The following CUL3 variants were observed in gnomAD, a reference collection of about 807,000 sequenced individuals.
CUL3 encodes cullin-3.
Under a neutral mutation model 89.1 loss-of-function variants are expected in CUL3, and 19 were observed. The observed-to-expected ratio is 0.21, with a 90% CI of 0.15 to 0.31. The LOEUF (loss-of-function observed/expected upper bound fraction) is 0.31. CUL3 is among the 10% of genes least tolerant of loss of function. The pLI is 1.00. For missense variants in CUL3, 469 were observed against 942.3 expected (o/e 0.50, Z 6.58); for synonymous variants, 351 against 308.4 (o/e 1.14, Z -1.45).
At chr2:224,487,965 A>T (rs1210033064) in intron 13 of CUL3, among the ~76,000 whole-genome samples, 1 of 152,212 alleles carries the variant, frequency 6.6e-6, no homozygotes, top group Non-Finnish European at 1.5e-5. Context: ...GTACAACTAC[A>T]TGGAAACTGA....
At chr2:224,547,203 C>T (rs1694336546) in intron 2 of CUL3, among the ~76,000 whole-genome samples, 1 of 152,078 alleles carries the variant, frequency 6.6e-6, no homozygotes, top group African/African-American at 2.4e-5. Context: ...CAATGGCTCC[C>T]ACCACCAACA....
At chr2:224,550,271 T>A (rs1333482268) in intron 2 of CUL3, among the ~76,000 whole-genome samples, 1 of 152,208 alleles carries the variant, frequency 6.6e-6, no homozygotes, top group South Asian at 2.1e-4. Flanking sequence ...CTTATACACA[T>A]AGCCTGAGGG....
At chr2:224,537,100 T>TC (rs1693927428) in intron 2 of CUL3, among the ~76,000 whole-genome samples, 1 of 152,302 alleles carries the variant, frequency 6.6e-6, no homozygotes, top group East Asian at 1.9e-4. Flanking sequence ...CTGAGAAACA[T>TC]CAACTATTTA....
At chr2:224,549,370 T>C (rs1244486129) in intron 2 of CUL3, among the ~76,000 whole-genome samples, 3 of 150,492 alleles carry the variant, frequency 2.0e-5, no homozygotes, top group Admixed American at 6.6e-5. Flanking sequence ...TCAAAACACA[T>C]GGCACAGGAA....
At chr2:224,553,398 C>G (rs1195078505) in intron 2 of CUL3, among the ~76,000 whole-genome samples, 2 of 152,120 alleles carry the variant, frequency 1.3e-5, no homozygotes, top group African/African-American at 4.8e-5. Flanking sequence ...CGGCAATGAT[C>G]ATTAATGACT....
chr2:224,501,357 C>T (rs1692382453), intron 10 of CUL3, among the ~76,000 whole-genome samples: 1 of 152,198 alleles, frequency 6.6e-6, no homozygotes, highest in Admixed American at 6.5e-5. Context: ...AATATCTGTA[C>T]AATGAATAAC....
At position 224,495,816 on chromosome 2, in the gene CUL3, T is replaced by C. The variant is rs961230726; in HGVS notation, c.1842+16A>G. ...AGAAACAACACAGTTAAAATGTATA[T>C]AACCACAATCCATACCTCAAATGTG... is the stretch of plus-strand genomic sequence containing the variant. On this transcript the variant is annotated intron_variant, in intron 13 of 15. Transcript: ENST00000264414. 1.3e-6 allele frequency: 2 copies of C among 1,593,970 alleles called. No homozygotes were observed. Among genetic ancestry groups the C allele is most frequent in the Non-Finnish European group, 1.7e-6 (2 of 1,166,424 alleles).
chr2:224,576,228 T>C (rs1011949315), intron 1 of CUL3, among the ~76,000 whole-genome samples: 2 of 152,006 alleles, frequency 1.3e-5, no homozygotes, highest in African/African-American at 4.8e-5. Context: ...GGGACCAGAG[T>C]GTACAATTTA....
intron 2 of CUL3, among the ~76,000 whole-genome samples, chr2:224,554,115 C>T (rs1031449148): frequency 6.6e-6 from 1 of 152,086 alleles, no homozygotes; most frequent in African/African-American, 2.4e-5. Flanking sequence ...CTTCTCAACC[C>T]TAACACACAA....
At chr2:224,531,081 A>T (rs552759453) in intron 3 of CUL3, among the ~76,000 whole-genome samples, 2 of 144,204 alleles carry the variant, frequency 1.4e-5, no homozygotes, top group East Asian at 4.3e-4. Flanking sequence ...TTTGAACCTA[A>T]AATAGCCTTT....
chr2:224,510,265 G>A (rs1574642469), intron 6 of CUL3, among the ~76,000 whole-genome samples: 1 of 139,628 alleles, frequency 7.2e-6, no homozygotes, highest in Non-Finnish European at 1.5e-5. Flanking sequence ...TAACTGAAGA[G>A]TCTTTTAAAA....
At chr2:224,491,965 A>G (rs1033138204) in intron 13 of CUL3, among the ~76,000 whole-genome samples, 5 of 152,196 alleles carry the variant, frequency 3.3e-5, no homozygotes, top group African/African-American at 1.2e-4. Flanking sequence ...TTTTGAACAC[A>G]GTGCATTATT....
In CUL3 at chr2:224,497,687, A is replaced by T. The variant is rs919093899; in HGVS notation, c.1707+66T>A. ...TAAGTAATTTACCCAGGTCAACATA[A>T]ATCACACATCAGCTCTAATAGACTA... On this transcript the variant is annotated intron_variant, in intron 12 of 15. Transcript: ENST00000264414. 19 of 1,201,636 alleles carry T rather than the reference A, an allele frequency of 1.6e-5. No homozygotes were observed. The African/African-American group carries it at 1.7e-4, about 10-fold the overall frequency. 74.4% of individuals were successfully genotyped at this position (1,201,636 alleles called of 1,614,324 possible).
chr2:224,549,861 TGCACAC>T (rs199631601), intron 2 of CUL3, among the ~76,000 whole-genome samples: 1 of 151,724 alleles, frequency 6.6e-6, no homozygotes, highest in East Asian at 1.9e-4. Context: ...CATATATGCG[TGCACAC>T]ACACACACAC....
At chr2:224,526,190 A>G (rs961610772) in intron 3 of CUL3, among the ~76,000 whole-genome samples, 13 of 152,238 alleles carry the variant, frequency 8.5e-5, no homozygotes, top group South Asian at 4.1e-4. Context: ...CTAGTTTCTT[A>G]ATTCACATTA....
intron 13 of CUL3, among the ~76,000 whole-genome samples, chr2:224,483,032 ACTGT>A (rs1691588749): frequency 6.6e-6 from 1 of 152,122 alleles, no homozygotes; most frequent in African/African-American, 2.4e-5. Flanking sequence ...CTCCTAAAAA[ACTGT>A]CAGGTAGGCA....
chr2:224,501,270 C>T, intron 10 of CUL3, among the ~76,000 whole-genome samples: 1 of 152,180 alleles, frequency 6.6e-6, no homozygotes, highest in Non-Finnish European at 1.5e-5. Flanking sequence ...GCATGTAGCT[C>T]ACATTCTAAC....
intron 1 of CUL3, among the ~76,000 whole-genome samples, chr2:224,578,937 C>A (rs950239142): frequency 6.6e-6 from 1 of 152,148 alleles, no homozygotes; most frequent in Non-Finnish European, 1.5e-5. Context: ...CCCTTAACTT[C>A]ATTTAATGAA....
At position 224,557,874 on chromosome 2, in the gene CUL3, G is replaced by GAA; in HGVS notation, c.67-19_67-18insTT. 5 of 191,692 alleles carry GAA rather than the reference G, an allele frequency of 2.6e-5. No homozygotes were observed. The highest frequency in any genetic ancestry group is 1.2e-4 in the South Asian group (2 of 16,966). 11.9% of individuals were successfully genotyped at this position (191,692 alleles called of 1,614,324 possible). On this transcript the variant is annotated intron_variant, in intron 1 of 15. Transcript: ENST00000264414. ...ATGGTCATCTGTAATATCCAAGAGA[G>GAA]AGAAGAGACAAAAAAAAAAAAAAAA...
Sources: allele counts gnomAD v4.1 joint callset (sites outside exome capture counted in the v4.1 genomes callset), GRCh38; gene constraint gnomAD v4.1.1; transcripts MANE v1.5; gene names NCBI Gene and HGNC (gene_info 2026-07-23, HGNC 2026-07-21).